OTC: variants seen among roughly 807,000 people sequenced by gnomAD.
OTC encodes the protein ornithine transcarbamylase.
OTC carries 3 observed loss-of-function variants against 30.3 expected under a neutral mutation model. The observed-to-expected ratio is 0.10, with a 90% CI of 0.05 to 0.26. The LOEUF is 0.26. Ranked by LOEUF, OTC falls within the 10% of genes least tolerant of loss-of-function variation. The pLI is 1.00. For missense variants in OTC, 194 were observed against 260.3 expected (o/e 0.75, Z 1.75); for synonymous variants, 111 against 99.7 (o/e 1.11, Z -0.67).
chrX:38,399,551 C>G (rs1050112011), intron 4 of OTC, among the ~76,000 whole-genome samples: 1 of 110,617 alleles, frequency 9.0e-6, no homozygotes, highest in Non-Finnish European at 1.9e-5. Flanking sequence ...GAGTTTGAGA[C>G]CAGCCTGGCC....
chrX:38,391,849 G>T (rs2068429968), intron 4 of OTC, among the ~76,000 whole-genome samples: 1 of 111,136 alleles, frequency 9.0e-6, no homozygotes, highest in Non-Finnish European at 1.9e-5. Context: ...ACACTTGGGA[G>T]AAATTTCCTT....
chrX:38,341,580 G>A, the OTC span, among the ~76,000 whole-genome samples: 2 of 112,182 alleles, frequency 1.8e-5, no homozygotes, highest in Admixed American at 9.4e-5. Flanking sequence ...CCATGGTAGC[G>A]AAGGGATTTT....
intron 3 of OTC, among the ~76,000 whole-genome samples, chrX:38,380,753 G>A (rs1480393081): frequency 3.6e-5 from 4 of 111,708 alleles, no homozygotes; most frequent in African/African-American, 1.3e-4. Context: ...TTTTCAGACA[G>A]AGTCTTGCTC....
chrX:38,396,122 T>A (rs867504713), intron 4 of OTC, among the ~76,000 whole-genome samples: 17 of 107,187 alleles, frequency 1.6e-4, no homozygotes, highest in Admixed American at 9.0e-4. Flanking sequence ...CCGGCTAATT[T>A]TTTTTTTTTT....
chrX:38,360,436 T>C (rs756648509), intron 1 of OTC, among the ~76,000 whole-genome samples: 1 of 111,471 alleles, frequency 9.0e-6, no homozygotes, highest in Non-Finnish European at 1.9e-5. Context: ...AATAAACACA[T>C]AAATATATAT....
intron 4 of OTC, among the ~76,000 whole-genome samples, chrX:38,384,243 G>C (rs1397261731): frequency 1.8e-5 from 2 of 111,821 alleles, no homozygotes; most frequent in East Asian, 5.6e-4. Flanking sequence ...CAATTAAGGA[G>C]GGGGAGGAGG....
intron 1 of OTC, among the ~76,000 whole-genome samples, chrX:38,363,456 T>C (rs977956221): frequency 2.7e-5 from 3 of 111,846 alleles, no homozygotes; most frequent in African/African-American, 9.8e-5. Flanking sequence ...CGTGCCTTCA[T>C]TTCAGGCCAC....
rs187879395 is a variant in OTC, at chrX:38,397,453, C to T, written c.387-3822C>T. ...GAAACTGACTATCCTCTAATGGTTT[C>T]TGGTTCTTTTTTTAAAAATAGAACA... On this transcript the variant is annotated intron_variant, in intron 4 of 9. Transcript: ENST00000039007. 2.9e-3 allele frequency among the ~76,000 whole-genome samples: 324 copies of T among 112,051 alleles called. 2 individuals carry two copies. Among genetic ancestry groups the T allele is most frequent in the Middle Eastern group, 0.018 (4 of 218 alleles).
chrX:38,381,486 C>A (rs754905592), intron 4 of OTC, 57 bp downstream of exon 4: 4 of 771,960 alleles, frequency 5.2e-6, no homozygotes, highest in African/African-American at 4.1e-5. Flanking sequence ...GGATAAATTT[C>A]AAAAATAAAA....
At chrX:38,409,102 T>C in intron 8 of OTC, 77 bp downstream of exon 8, 1 of 1,031,081 alleles carries the variant, frequency 9.7e-7, no homozygotes, top group South Asian at 1.9e-5. Flanking sequence ...TTATTCACTT[T>C]AGGGGGAGCA....
At chrX:38,391,839 A>G (rs531543674) in intron 4 of OTC, among the ~76,000 whole-genome samples, 1 of 111,403 alleles carries the variant, frequency 9.0e-6, no homozygotes, top group South Asian at 3.8e-4. Context: ...TTTCAAAGTC[A>G]CACTTGGGAG....
At chrX:38,413,237 A>C (rs1312578378) in intron 9 of OTC, among the ~76,000 whole-genome samples, 3 of 112,344 alleles carry the variant, frequency 2.7e-5, no homozygotes, top group Non-Finnish European at 5.6e-5. Flanking sequence ...TTTATTGTGA[A>C]CATTAAAGTA....
intron 4 of OTC, among the ~76,000 whole-genome samples, chrX:38,384,397 C>A (rs2068391936): frequency 9.0e-6 from 1 of 111,696 alleles, no homozygotes; most frequent in Non-Finnish European, 1.9e-5. Flanking sequence ...GCTTAATCTG[C>A]CAAAATATCT....
the OTC span, among the ~76,000 whole-genome samples, chrX:38,339,850 A>G: frequency 9.0e-6 from 1 of 111,666 alleles, no homozygotes; most frequent in Admixed American, 9.5e-5. Context: ...GGTCTTATCA[A>G]GGTTGATGCA....
upstream of OTC, chrX:38,352,469 C>A: frequency 2.6e-6 from 1 of 381,165 alleles, no homozygotes; most frequent in Non-Finnish European, 4.6e-6. Flanking sequence ...GGATTTCTTC[C>A]AAAAAAAATA....
At chrX:38,393,244 T>C (rs1362023675) in intron 4 of OTC, among the ~76,000 whole-genome samples, 1 of 112,622 alleles carries the variant, frequency 8.9e-6, no homozygotes, top group Non-Finnish European at 1.9e-5. Context: ...TTTAAACATT[T>C]AACTTAATCA....
chrX:38,332,508 A>ATATATATATATG, the OTC span, among the ~76,000 whole-genome samples: 3 of 72,935 alleles, frequency 4.1e-5, no homozygotes, highest in Non-Finnish European at 7.2e-5. Context: ...TAGATTTTAT[A>ATATATATATATG]TATATATATA....
chrX:38,395,614 G>T (rs2068452204), intron 4 of OTC: 1 of 146,204 alleles, frequency 6.8e-6, no homozygotes, highest in African/African-American at 3.1e-5. Context: ...CATGCTCACA[G>T]TTCCATCCAT....
chrX:38,365,423 T>A (rs200001774), intron 1 of OTC, among the ~76,000 whole-genome samples: 2 of 112,640 alleles, frequency 1.8e-5, no homozygotes, highest in East Asian at 5.5e-4. Context: ...CCAGGCCCAG[T>A]AGGTACTGAT....
Sources: allele counts gnomAD v4.1 joint callset (sites outside exome capture counted in the v4.1 genomes callset), GRCh38; gene constraint gnomAD v4.1.1; transcripts MANE v1.5; gene names NCBI Gene and HGNC (gene_info 2026-07-23, HGNC 2026-07-21).